PTCD1: variants seen among roughly 807,000 people sequenced by gnomAD.
PTCD1 encodes pentatricopeptide repeat-containing protein 1, mitochondrial.
In PTCD1, 50 loss-of-function variants were observed where a neutral mutation model predicts 53.4. That is an observed-to-expected ratio of 0.94 (90% CI 0.75 to 1.19). The LOEUF is 1.19. Among genes scored for constraint, PTCD1 ranks in the 50% most tolerant of loss-of-function variants. The pLI, the probability that PTCD1 is intolerant of heterozygous loss-of-function variation, is 0.00. For synonymous variants in PTCD1, 413 were observed against 394.8 expected, an observed-to-expected ratio of 1.05 and a Z score of -0.55; for missense variants, 918 against 904.8, an observed-to-expected ratio of 1.01 and a Z score of -0.19.
At chr7:99,437,320 TTTTC>T (rs1288016013) in intron 1 of PTCD1, among the ~76,000 whole-genome samples, 2 of 151,886 alleles carry the variant, frequency 1.3e-5, no homozygotes, top group African/African-American at 2.4e-5. Context: ...ATTTCTTTTC[TTTTC>T]TTTTTTTTTT....
rs1185759081 is a variant in PTCD1, at chr7:99,434,973, C to T, written c.270G>A (p.Gly90=). The part of the protein sequence containing the change: ...EEDEEEEESF[G]TLSDKYSSRR... The stretch of plus-strand genomic sequence containing the variant: ...GGGAGGAGTATTTGTCAGAGAGGGT[C>T]CCAAAACTCTCCTCCTCCTCCTCGT... Residue 90 remains glycine, a synonymous_variant, in exon 2 of 8, where the codon GGG becomes GGA. Transcript: ENST00000292478. The T allele has an allele frequency of 1.2e-6, 2 of 1,614,214 alleles. No homozygotes were observed. The highest frequency in any genetic ancestry group is 1.1e-5 in the South Asian group (1 of 91,088).
rs760647598 is a variant in PTCD1, at chr7:99,417,572, G to T, written c.*2395C>A. On this transcript the variant is annotated 3_prime_UTR_variant, in exon 8 of 8. Coordinates refer to ENST00000292478, the MANE Select transcript of PTCD1 (RefSeq NM_015545.4). ...CTTCGGGACGAACTGCATCTGCCGC[G>T]TGCCCAAAAGCAAGCTGGAAGTGGT... The T allele has an allele frequency of 1.2e-6, 2 of 1,612,654 alleles. No individual in the cohort carries two copies. Among genetic ancestry groups the T allele is most frequent in the African/African-American group, 1.3e-5 (1 of 74,938 alleles).
intron 3 of PTCD1, among the ~76,000 whole-genome samples, chr7:99,430,392 C>T (rs1002308645): frequency 6.6e-6 from 1 of 152,222 alleles, no homozygotes; most frequent in Admixed American, 6.5e-5. Flanking sequence ...TCAGGGTTGA[C>T]AATCCGTGGT....
At chr7:99,431,484 G>A (rs1584463961) in intron 3 of PTCD1, among the ~76,000 whole-genome samples, 1 of 152,028 alleles carries the variant, frequency 6.6e-6, no homozygotes, top group Admixed American at 6.5e-5. Context: ...GCTCACGCCT[G>A]TAATTCTAGC....
At chr7:99,429,860 TG>T in intron 3 of PTCD1, 54 bp from the exon 4 acceptor site, 1 of 1,603,424 alleles carries the variant, frequency 6.2e-7, no homozygotes, top group South Asian at 1.1e-5. Flanking sequence ...GACGCACAGG[TG>T]AGCAGCTGCC....
chr7:99,417,859 G>A lies in PTCD1; in HGVS notation c.*2108C>T. ...CCCCTTTCCTCACTTAGGAAATGGT[G>A]GTGGGGAGCCCTAATCCCAAGGTGG... On this transcript the variant is annotated 3_prime_UTR_variant, in exon 8 of 8. Transcript: ENST00000292478. 1 of 1,409,734 alleles carries A rather than the reference G, an allele frequency of 7.1e-7. No homozygotes were observed. The highest frequency in any genetic ancestry group is 2.9e-5 in the East Asian group (1 of 34,854). 87.3% of individuals were successfully genotyped at this position (1,409,734 alleles called of 1,614,324 possible). A position where few individuals can be genotyped will look rare whatever the true frequency, so the allele number is the denominator to read the frequency against.
chr7:99,431,948 T>A (rs59544825), intron 3 of PTCD1, among the ~76,000 whole-genome samples: 3,406 of 152,328 alleles, frequency 0.022, 122 homozygotes, highest in African/African-American at 0.078. Context: ...GATTTAGGGC[T>A]GTGCAGGGTG....
intron 6 of PTCD1, 37 bp from the exon 7 acceptor site, chr7:99,423,994 C>A (rs1795927283): frequency 6.2e-7 from 1 of 1,606,422 alleles, no homozygotes; most frequent in Admixed American, 1.7e-5. Flanking sequence ...AAGATGATGG[C>A]AGCCATTGGG....
intron 5 of PTCD1, among the ~76,000 whole-genome samples, chr7:99,427,612 G>A (rs1232552257): frequency 1.1e-4 from 16 of 152,266 alleles, no homozygotes; most frequent in Admixed American, 2.0e-4. Context: ...TGTGCCCAGC[G>A]GCTCATTGAG....
At chr7:99,430,648 G>A (rs756175121) in intron 3 of PTCD1, among the ~76,000 whole-genome samples, 19 of 152,332 alleles carry the variant, frequency 1.2e-4, no homozygotes, top group Non-Finnish European at 2.8e-4. Flanking sequence ...GTGTATTGCT[G>A]CACTCCACAG....
In PTCD1 at chr7:99,417,832, A is replaced by C; in HGVS notation, c.*2135T>G. The C allele has an allele frequency of 6.8e-7, 1 of 1,474,160 alleles. No individual in the cohort carries two copies. The highest frequency in any genetic ancestry group is 2.6e-5 in the East Asian group (1 of 38,604). The allele number at this position is 1,474,160 out of a possible 1,614,324, so 91.3% of individuals were successfully genotyped here. A position where few individuals can be genotyped will look rare whatever the true frequency, so the allele number is the denominator to read the frequency against. On this transcript the variant is annotated 3_prime_UTR_variant, in exon 8 of 8. Coordinates refer to ENST00000292478, the MANE Select transcript of PTCD1 (RefSeq NM_015545.4). The stretch of plus-strand genomic sequence containing the variant: ...AACTCCACTTTTGGGCAAATTACTG[A>C]ACCCCTTTCCTCACTTAGGAAATGG...
rs1173117131 is a variant in PTCD1 at position 99,420,104 on chromosome 7, C to G, written c.1966G>C (p.Ala656Pro). The G allele has an allele frequency of 6.2e-7, 1 of 1,614,196 alleles. No homozygotes were observed. The highest frequency in any genetic ancestry group is 1.1e-5 in the South Asian group (1 of 91,086). ...ACTGTCAGCCACTGCTTGTAATAGGCTCGGAAGCCGTCAATCTTCTCCAGG... is the reference window on the plus strand; with the variant it reads ...ACTGTCAGCCACTGCTTGTAATAGGGTCGGAAGCCGTCAATCTTCTCCAGG... The part of the protein sequence containing the change: ...TYLEKIDGFR[A>P]YYKQWLTVMP... Residue 656 changes from alanine to proline, a missense_variant, in exon 8 of 8, where the codon GCC (alanine) becomes CCC (proline). Transcript: ENST00000292478.
intron 7 of PTCD1, among the ~76,000 whole-genome samples, chr7:99,423,144 G>C (rs901747757): frequency 4.6e-5 from 7 of 151,472 alleles, no homozygotes; most frequent in Non-Finnish European, 1.0e-4. Flanking sequence ...CGCGATCTTG[G>C]CTCACAACAA....
chr7:99,432,695 T>C (rs988246458), intron 3 of PTCD1, among the ~76,000 whole-genome samples: 1 of 152,152 alleles, frequency 6.6e-6, no homozygotes, highest in Non-Finnish European at 1.5e-5. Context: ...TGTCTCTGTG[T>C]CTTATTTCTT....
chr7:99,424,211 T>C (rs1795932731), intron 6 of PTCD1, among the ~76,000 whole-genome samples: 1 of 152,130 alleles, frequency 6.6e-6, no homozygotes, highest in Non-Finnish European at 1.5e-5. Flanking sequence ...CAGAAAATGA[T>C]GTGGGAGACA....
intron 5 of PTCD1, among the ~76,000 whole-genome samples, chr7:99,428,229 C>T (rs956017250): frequency 6.6e-6 from 1 of 151,734 alleles, no homozygotes; most frequent in African/African-American, 2.4e-5. Flanking sequence ...GAAACTCTGT[C>T]TCTACTAAAA....
At chr7:99,424,642 A>G (rs1211702622) in intron 6 of PTCD1, among the ~76,000 whole-genome samples, 153 bp downstream of exon 6, 1 of 152,166 alleles carries the variant, frequency 6.6e-6, no homozygotes, top group African/African-American at 2.4e-5. Context: ...AAATGGGACC[A>G]AAGACCAGAA....
intron 2 of PTCD1, among the ~76,000 whole-genome samples, chr7:99,434,428 GAC>G (rs1796379126): frequency 1.3e-5 from 2 of 151,958 alleles, no homozygotes; most frequent in African/African-American, 4.8e-5. Flanking sequence ...CAGCCTGGGC[GAC>G]AGAGTGAGAT....
In PTCD1 at chr7:99,419,771, G is replaced by T; in HGVS notation, c.*196C>A. On this transcript the variant is annotated 3_prime_UTR_variant, in exon 8 of 8. Transcript: ENST00000292478. ...CCCGTGAAGGTGACACGCAAAGGTG[G>T]CTGGAGCTGCACTTGGACCTGCTGG... 1.2e-6 allele frequency: 1 copy of T among 863,574 alleles called. No homozygotes were observed. The highest frequency in any genetic ancestry group is 1.7e-6 in the Non-Finnish European group (1 of 571,896). 53.5% of individuals were successfully genotyped at this position (863,574 alleles called of 1,614,324 possible).
Sources: gnomAD v4.1 joint callset for allele counts (sites outside exome capture counted in the v4.1 genomes callset) on GRCh38, gnomAD v4.1.1 for gene constraint, MANE v1.5 for transcripts, NCBI Gene and HGNC (gene_info 2026-07-23, HGNC 2026-07-21) for gene names.